CGAS: variants seen among roughly 807,000 people sequenced by gnomAD.
CGAS encodes 2'3'-cGAMP synthase.
A neutral mutation model predicts 34.0 loss-of-function variants in CGAS; 31 were observed. The observed-to-expected ratio is 0.91, with a 90% CI of 0.69 to 1.23. The LOEUF (loss-of-function observed/expected upper bound fraction) is 1.23. CGAS is among the 50% of genes most tolerant of loss of function. The pLI is 0.00. For missense variants in CGAS, 597 were observed against 657.6 expected (o/e 0.91, Z 1.01); for synonymous variants, 266 against 260.0 (o/e 1.02, Z -0.22).
intron 3 of CGAS, among the ~76,000 whole-genome samples, chr6:73,435,344 G>A (rs1284671873): frequency 6.6e-6 from 1 of 152,124 alleles, no homozygotes; most frequent in Non-Finnish European, 1.5e-5. Flanking sequence ...AATTTCAATT[G>A]GCAAAAAGTT....
chr6:73,445,503 A>T (rs770602249), intron 2 of CGAS, 25 bp downstream of exon 2: 4 of 1,526,630 alleles, frequency 2.6e-6, no homozygotes, highest in Non-Finnish European at 2.7e-6. Flanking sequence ...TTAAACCTTT[A>T]AGAATCAAAA....
rs945096599 is a variant in CGAS at position 73,424,207 on chromosome 6, G to C, written c.*1020C>G. 2.0e-4 allele frequency: 31 copies of C among 152,256 alleles called. No homozygotes were observed. The highest frequency in any genetic ancestry group is 7.5e-4 in the African/African-American group (31 of 41,554). The allele number at this position is 152,256 out of a possible 1,614,324, so 9.4% of individuals were successfully genotyped here. On this transcript the variant is annotated 3_prime_UTR_variant, in exon 5 of 5. Transcript: ENST00000370315. ...CCCAGCACTTTGGGAGGCCAAGGCG[G>C]GCGGATCACAAGGTAAGGAGATCGA...
intron 3 of CGAS, among the ~76,000 whole-genome samples, chr6:73,430,812 A>T (rs1770182614): frequency 6.6e-6 from 1 of 152,164 alleles, no homozygotes; most frequent in Admixed American, 6.5e-5. Context: ...TATAAAAACT[A>T]GCAATTAGGC....
chr6:73,445,288 T>A (rs140048650), intron 2 of CGAS, among the ~76,000 whole-genome samples: 28 of 151,830 alleles, frequency 1.8e-4, no homozygotes, highest in African/African-American at 6.8e-4. Context: ...GTGTAGGTGT[T>A]CTAGTTATTT....
At chr6:73,428,664 A>C in intron 4 of CGAS, 45 bp downstream of exon 4, 2 of 1,558,068 alleles carry the variant, frequency 1.3e-6, no homozygotes, top group Non-Finnish European at 1.8e-6. Flanking sequence ...CAAATAATTA[A>C]GCATACCATA....
intron 1 of CGAS, among the ~76,000 whole-genome samples, chr6:73,449,431 C>T (rs868324608): frequency 2.0e-5 from 3 of 151,504 alleles, no homozygotes; most frequent in African/African-American, 4.8e-5. Flanking sequence ...GCCGAGATCG[C>T]GCCACTGCAC....
Position 73,425,266 on chromosome 6 carries a change from A to G in CGAS, c.1530T>C (p.Tyr510=). 1.3e-6 allele frequency: 2 copies of G among 1,594,842 alleles called. No individual in the cohort carries two copies. The highest frequency in any genetic ancestry group is 1.8e-5 in the Admixed American group (1 of 54,638). Residue 510 remains tyrosine (Y), a synonymous_variant, in exon 5 of 5, where the codon TAT becomes TAC. Transcript: ENST00000370315. ...AAACTGGAAACTCATTGTTTCTTTC[A>G]TATTCAATTTGCTTTGTCAGAAATT... ...SKEFLTKQIE[Y]ERNNEFPVFD... is the part of the protein sequence containing the mutation.
In CGAS at chr6:73,428,777, T is replaced by A. The variant is rs750825685; in HGVS notation, c.1149A>T (p.Glu383Asp). Residue 383 changes from glutamate to aspartate, a missense_variant, in exon 4 of 5, where the codon GAA becomes GAT. Transcript: ENST00000370315. The part of the protein sequence containing the change: ...ETWRLSFSHI[E>D]KEILNNHGKS... ...TTCCATGATTGTTCAAAATTTCCTT[T>A]TCGATGTGAGAGAAGGATAGCCGCC... 7 of 1,613,722 alleles carry A rather than the reference T, an allele frequency of 4.3e-6. No homozygotes were observed. In the African/African-American group the frequency reaches 9.3e-5, roughly 22 times the overall value.
intron 3 of CGAS, chr6:73,439,854 T>C (rs1770345643): frequency 4.4e-6 from 1 of 224,728 alleles, no homozygotes; most frequent in African/African-American, 2.3e-5. Flanking sequence ...GATGAGCAAA[T>C]GGGTTTAGAA....
chr6:73,451,441 G>A (rs564743867), intron 1 of CGAS, 84 bp downstream of exon 1: 21 of 1,413,004 alleles, frequency 1.5e-5, no homozygotes, highest in South Asian at 1.4e-4. Context: ...AGGGAAGTGA[G>A]GGGCGCGACC....
At chr6:73,426,349 G>GAAATGAAATGAAATGATAAA (rs1554237174) in intron 4 of CGAS, among the ~76,000 whole-genome samples, 26 of 148,906 alleles carry the variant, frequency 1.7e-4, no homozygotes, top group Admixed American at 3.4e-4. Context: ...GAAATGAAAT[G>GAAATGAAATGAAATGATAAA]ATAAAATAAA....
At chr6:73,447,430 C>T (rs1352906541) in intron 1 of CGAS, among the ~76,000 whole-genome samples, 2 of 151,900 alleles carry the variant, frequency 1.3e-5, no homozygotes, top group South Asian at 2.1e-4. Flanking sequence ...AATACAGGCG[C>T]GCACCAACAC....
At position 73,451,622 on chromosome 6, in the gene CGAS, T is replaced by G; in HGVS notation, c.560A>C (p.Lys187Thr). Residue 187 changes from lysine to threonine, a missense_variant, in exon 1 of 5, where the codon AAA becomes ACA. Around this residue, in one of 3 missense-constraint regions of CGAS, gnomAD observed 321 missense variants for 314.3 expected, o/e 1.02. Coordinates refer to ENST00000370315, the MANE Select transcript of CGAS (RefSeq NM_138441.3). ...GAGCAGCAGGTGGTCCACAACCCCT[T>G]TCACCATCCCCGCCGCCGTGGAGAT... ...DDISTAAGMV[K>T]GVVDHLLLRL... is the part of the protein sequence containing the mutation. 6.2e-7 allele frequency: 1 copy of G among 1,614,134 alleles called. No individual in the cohort carries two copies. The highest frequency in any genetic ancestry group is 8.5e-7 in the Non-Finnish European group (1 of 1,180,030).
At chr6:73,434,794 T>C (rs1770253497) in intron 3 of CGAS, among the ~76,000 whole-genome samples, 1 of 151,952 alleles carries the variant, frequency 6.6e-6, no homozygotes, top group Non-Finnish European at 1.5e-5. Flanking sequence ...CTAAGTCACA[T>C]GCCACCACGC....
At chr6:73,438,073 A>C (rs1278614453) in intron 3 of CGAS, among the ~76,000 whole-genome samples, 1 of 152,224 alleles carries the variant, frequency 6.6e-6, no homozygotes, top group East Asian at 1.9e-4. Context: ...TGTCTCAAAA[A>C]ATAAACAAAT....
At chr6:73,443,908 A>G (rs1400864265) in intron 2 of CGAS, among the ~76,000 whole-genome samples, 1 of 152,204 alleles carries the variant, frequency 6.6e-6, no homozygotes, top group Non-Finnish European at 1.5e-5. Context: ...CTTTCGGAAA[A>G]GATGAAGTTA....
Position 73,445,004 on chromosome 6 carries a change from C to T in CGAS, c.877+524G>A, listed in dbSNP as rs139069877. Reference sequence around the variant, plus strand: ...GTATATGAATTAAGTTATGTTTATTCGCTTTGGATATGTTTGGTTATAGAT... The same window carrying T: ...GTATATGAATTAAGTTATGTTTATTTGCTTTGGATATGTTTGGTTATAGAT... On this transcript the variant is annotated intron_variant, in intron 2 of 4. Coordinates refer to ENST00000370315, the MANE Select transcript of CGAS (RefSeq NM_138441.3). Among the ~76,000 whole-genome samples, 29 of 152,200 alleles carry T rather than the reference C, an allele frequency of 1.9e-4. 1 individual carries two copies. The East Asian group carries it at 5.4e-3, about 28-fold the overall frequency.
chr6:73,441,992 C>T (rs1770388145), intron 2 of CGAS, among the ~76,000 whole-genome samples: 1 of 152,164 alleles, frequency 6.6e-6, no homozygotes, highest in Non-Finnish European at 1.5e-5. Context: ...CCTGCCTCAA[C>T]CTCCTGAGTC....
At position 73,440,395 on chromosome 6, in the gene CGAS, G is replaced by C; in HGVS notation, c.928C>G (p.Leu310Val). ...RKRGGSPAVT[L>V]LISEKISVDI... ...ACAGATATTTTTTCACTAATAAGAAGTGTTACAGCAGGGCTCCCTCCTCTT... is the reference window on the plus strand; with the variant it reads ...ACAGATATTTTTTCACTAATAAGAACTGTTACAGCAGGGCTCCCTCCTCTT... Residue 310 changes from leucine (L) to valine (V), a missense_variant, in exon 3 of 5, where the codon CTT becomes GTT. Transcript: ENST00000370315. 2.5e-6 allele frequency: 4 copies of C among 1,614,124 alleles called. No individual in the cohort carries two copies. In the South Asian group the frequency reaches 4.4e-5, roughly 18 times the overall value.
Sources: allele counts gnomAD v4.1 joint callset (sites outside exome capture counted in the v4.1 genomes callset), GRCh38; gene constraint gnomAD v4.1.1; regional missense constraint gnomAD v4.1.1; transcripts MANE v1.5; gene names NCBI Gene and HGNC (gene_info 2026-07-23, HGNC 2026-07-21).